CTCFL: variants seen among roughly 807,000 people sequenced by gnomAD.
CTCFL encodes transcriptional repressor CTCFL.
A neutral mutation model predicts 67.4 loss-of-function variants in CTCFL; 36 were observed. That is an observed-to-expected ratio of 0.53 (90% CI 0.41 to 0.71). CTCFL has a LOEUF of 0.71. Ranked by LOEUF, CTCFL falls within the 30% of genes least tolerant of loss-of-function variation. The pLI, the probability that CTCFL is intolerant of heterozygous loss-of-function variation, is 0.00. For synonymous variants in CTCFL, 324 were observed against 302.3 expected, an observed-to-expected ratio of 1.07 and a Z score of -0.75; for missense variants, 786 against 835.2, an observed-to-expected ratio of 0.94 and a Z score of 0.73.
chr20:57,503,675 A>C, intron 9 of CTCFL, 74 bp from the exon 10 acceptor site: 10 of 1,510,560 alleles, frequency 6.6e-6, no homozygotes, highest in Non-Finnish European at 9.0e-6. Context: ...GCCTGTGGGG[A>C]CCCCACGCAT....
Position 57,503,553 on chromosome 20 carries a change from A to C in CTCFL, c.1723T>G (p.Ser575Ala), listed in dbSNP as rs2068025815. 1.2e-6 allele frequency: 2 copies of C among 1,614,030 alleles called. No homozygotes were observed. Among genetic ancestry groups the C allele is most frequent in the Non-Finnish European group, 1.7e-6 (2 of 1,180,002 alleles). ...CTTCTTCCCTTTCCTGAAGCAGCCG[A>C]CTTTGCTTCCCCTGATCCACACTTC... ...SEKCGSGEAK[S>A]AASGKGRRTR... Residue 575 changes from serine (S) to alanine (A), a missense_variant, in exon 10 of 11, where the codon TCG (serine) becomes GCG (alanine). Transcript: ENST00000243914.
intron 5 of CTCFL, among the ~76,000 whole-genome samples, chr20:57,517,077 G>T (rs919406973): frequency 6.6e-6 from 1 of 152,186 alleles, no homozygotes; most frequent in African/African-American, 2.4e-5. Context: ...GAAAACAACA[G>T]CCAAGCCAAA....
At chr20:57,504,261 C>A (rs1360925355) in intron 9 of CTCFL, among the ~76,000 whole-genome samples, 1 of 148,018 alleles carries the variant, frequency 6.8e-6, no homozygotes, top group Non-Finnish European at 1.5e-5. Flanking sequence ...CAGGCATGAG[C>A]CACTGCACCC....
At chr20:57,517,959 G>A (rs565545448) in intron 5 of CTCFL, among the ~76,000 whole-genome samples, 1 of 152,290 alleles carries the variant, frequency 6.6e-6, no homozygotes, top group Non-Finnish European at 1.5e-5. Flanking sequence ...TTTAAAAATA[G>A]TAACAGCAGA....
At chr20:57,524,646 A>G in intron 1 of CTCFL, 3 of 1,005,952 alleles carry the variant, frequency 3.0e-6, no homozygotes, top group Non-Finnish European at 3.6e-6. Context: ...GGGCCTAGCA[A>G]GTTTCAGGTC....
chr20:57,503,353 T>G (rs1249139548), intron 10 of CTCFL, 83 bp downstream of exon 10: 3 of 1,525,746 alleles, frequency 2.0e-6, no homozygotes, highest in African/African-American at 1.4e-5. Context: ...ACACATCCCC[T>G]GGACAGTAAC....
rs2069665168 is a variant in CTCFL at position 57,524,211 on chromosome 20, C to T, written c.-6G>A. ...GAGATCTCAGTGGCTGCCATAATGACTTGGCCTGTTTGAAAAATAAGCAAG... is the reference window on the plus strand; with the variant it reads ...GAGATCTCAGTGGCTGCCATAATGATTTGGCCTGTTTGAAAAATAAGCAAG... On this transcript the variant is annotated 5_prime_UTR_variant, in exon 2 of 11. Transcript: ENST00000243914. 2 of 1,608,760 alleles carry T rather than the reference C, an allele frequency of 1.2e-6. No homozygotes were observed. Among genetic ancestry groups the T allele is most frequent in the Non-Finnish European group, 1.7e-6 (2 of 1,178,004 alleles).
chr20:57,522,634 CTTCT>C (rs2069466932), intron 3 of CTCFL, among the ~76,000 whole-genome samples: 1 of 152,252 alleles, frequency 6.6e-6, no homozygotes, highest in South Asian at 2.1e-4. Context: ...ATCTTAGTGG[CTTCT>C]TTGTCCTGGA....
Position 57,523,698 on chromosome 20 carries a change from C to T in CTCFL, c.508G>A (p.Ala170Thr). Reference sequence around the variant, plus strand: ...CCAGTAGTTTCAGCCAGGCTCACCGCTAACTTACTGTCTTCACTGGCCACC... The same window carrying T: ...CCAGTAGTTTCAGCCAGGCTCACCGTTAACTTACTGTCTTCACTGGCCACC... ...VMVASEDSKL[A>T]VSLAETTGLI... Residue 170 changes from alanine (A) to threonine (T), a missense_variant, in exon 2 of 11, where the codon GCG (alanine) becomes ACG (threonine). Transcript: ENST00000243914. 1 of 1,613,580 alleles carries T rather than the reference C, an allele frequency of 6.2e-7. No individual in the cohort carries two copies. Among genetic ancestry groups the T allele is most frequent in the Non-Finnish European group, 8.5e-7 (1 of 1,179,994 alleles).
At chr20:57,504,037 C>T (rs912335716) in intron 9 of CTCFL, among the ~76,000 whole-genome samples, 23 of 151,504 alleles carry the variant, frequency 1.5e-4, no homozygotes, top group East Asian at 3.9e-4. Flanking sequence ...AGTGCAGTGG[C>T]GCCATCTCGG....
intron 5 of CTCFL, among the ~76,000 whole-genome samples, chr20:57,517,687 G>A (rs1205689002): frequency 1.3e-5 from 2 of 152,166 alleles, no homozygotes; most frequent in Non-Finnish European, 2.9e-5. Context: ...AGCATGGCAA[G>A]ACTTGAGGAG....
intron 8 of CTCFL, among the ~76,000 whole-genome samples, chr20:57,511,173 C>G (rs2068526702): frequency 6.6e-6 from 1 of 152,116 alleles, no homozygotes; most frequent in Non-Finnish European, 1.5e-5. Flanking sequence ...TCCTGAGTAG[C>G]TGGGACAGAT....
At chr20:57,524,604 G>A in intron 1 of CTCFL, 1 of 1,026,456 alleles carries the variant, frequency 9.7e-7, no homozygotes, top group Non-Finnish European at 1.2e-6. Context: ...GTAAGGTTTG[G>A]GCCCAGCAGG....
chr20:57,507,635 G>A (rs1023161269), intron 9 of CTCFL: 1 of 702,918 alleles, frequency 1.4e-6, no homozygotes, highest in African/African-American at 1.7e-5. Context: ...GCCGGTGCCA[G>A]CAGTTGTGTG....
In CTCFL at chr20:57,498,365, A is replaced by G; in HGVS notation, c.*185T>C. 1 of 1,388,758 alleles carries G rather than the reference A, an allele frequency of 7.2e-7. No individual in the cohort carries two copies. The highest frequency in any genetic ancestry group is 9.4e-7 in the Non-Finnish European group (1 of 1,067,808). The allele number at this position is 1,388,758 out of a possible 1,614,324, so 86.0% of individuals were successfully genotyped here. A position where few individuals can be genotyped will look rare whatever the true frequency, so the allele number is the denominator to read the frequency against. ...AAACTTGTGTCATCCATTGTCATGA[A>G]CTTAATTGTTTCAAAGAAAATGCTA... On this transcript the variant is annotated 3_prime_UTR_variant, in exon 11 of 11. Coordinates refer to ENST00000243914, the MANE Select transcript of CTCFL (RefSeq NM_001386993.1).
At chr20:57,514,917 TA>T (rs2068807087) in intron 6 of CTCFL, 176 bp from the exon 7 acceptor site, 2 of 638,854 alleles carry the variant, frequency 3.1e-6, no homozygotes, top group African/African-American at 3.7e-5. Context: ...TTATGTCAAG[TA>T]CAGCTGTGTC....
intron 5 of CTCFL, chr20:57,518,420 GT>G (rs1309365275): frequency 2.0e-5 from 19 of 953,162 alleles, no homozygotes; most frequent in Non-Finnish European, 2.6e-5. Context: ...TGCATTCTAC[GT>G]TAGAGCAAAT....
intron 7 of CTCFL, chr20:57,513,921 C>T (rs1297992815): frequency 9.3e-6 from 12 of 1,285,400 alleles, no homozygotes; most frequent in Non-Finnish European, 1.1e-5. Context: ...CACCCTCCCT[C>T]CCATTGCTCA....
intron 3 of CTCFL, among the ~76,000 whole-genome samples, chr20:57,520,303 T>C (rs1465621584): frequency 6.6e-6 from 1 of 152,148 alleles, no homozygotes; most frequent in Non-Finnish European, 1.5e-5. Flanking sequence ...CAGCTCACAG[T>C]GATAAATAAG....
Sources: allele counts gnomAD v4.1 joint callset (sites outside exome capture counted in the v4.1 genomes callset), GRCh38; gene constraint gnomAD v4.1.1; transcripts MANE v1.5; gene names NCBI Gene and HGNC (gene_info 2026-07-23, HGNC 2026-07-21).